Variants in PADI1 observed in about 807,000 individuals in gnomAD.
PADI1 encodes protein-arginine deiminase type-1.
In PADI1, 65 loss-of-function variants were observed where a neutral mutation model predicts 74.8. The observed-to-expected ratio is 0.87, with a 90% CI of 0.71 to 1.07. PADI1 has a LOEUF of 1.07. Ranked by LOEUF, PADI1 falls within the 50% of genes least tolerant of loss-of-function variation. The pLI is 0.00. For missense variants in PADI1, 943 were observed against 854.0 expected (o/e 1.10, Z -1.30); for synonymous variants, 371 against 336.2 (o/e 1.10, Z -1.13).
chr1:17,230,754 A>G, intron 10 of PADI1, 75 bp downstream of exon 10: 1 of 812,808 alleles, frequency 1.2e-6, no homozygotes, highest in Non-Finnish European at 2.1e-6. Flanking sequence ...TCTCATCTGG[A>G]CCTAGTCCTA....
At chr1:17,217,875 A>G (rs1463837807) in intron 1 of PADI1, among the ~76,000 whole-genome samples, 2 of 152,250 alleles carry the variant, frequency 1.3e-5, no homozygotes, top group Non-Finnish European at 2.9e-5. Context: ...TGTCAACTCA[A>G]TTTAAAAGTG....
intron 1 of PADI1, among the ~76,000 whole-genome samples, chr1:17,206,847 A>G (rs2071699279): frequency 6.6e-6 from 1 of 151,808 alleles, no homozygotes; most frequent in Non-Finnish European, 1.5e-5. Context: ...ACACTCGGCT[A>G]ATTTTGTATT....
intron 6 of PADI1, 29 bp from the exon 7 acceptor site, chr1:17,228,596 C>T (rs778147085): frequency 1.3e-5 from 21 of 1,612,866 alleles, no homozygotes; most frequent in African/African-American, 2.7e-5. Context: ...CCTGTCTCCT[C>T]GCTAGCCCCT....
intron 10 of PADI1, among the ~76,000 whole-genome samples, chr1:17,231,353 G>A (rs2072486569): frequency 6.6e-6 from 1 of 152,174 alleles, no homozygotes; most frequent in African/African-American, 2.4e-5. Context: ...AACTAGGGGG[G>A]CTGTCCCCAC....
chr1:17,232,146 C>T lies in PADI1; in HGVS notation c.1162-673C>T, dbSNP rs190446184. ...TATTTTTAGTAGAGATGGGGTTTCA[C>T]CATGTTGTCCAGGCTGGTCTCAAAC... On this transcript the variant is annotated intron_variant, in intron 10 of 15. Coordinates refer to ENST00000375471, the MANE Select transcript of PADI1 (RefSeq NM_013358.3). Among the ~76,000 whole-genome samples the T allele has an allele frequency of 2.3e-3, 357 of 152,158 alleles. 2 individuals carry two copies. Among genetic ancestry groups the T allele is most frequent in the African/African-American group, 8.4e-3 (347 of 41,498 alleles).
intron 12 of PADI1, among the ~76,000 whole-genome samples, chr1:17,237,970 T>C (rs12030076): frequency 0.086 from 13,077 of 152,248 alleles, 752 homozygotes; most frequent in South Asian, 0.18. Context: ...GGCTTCCCAG[T>C]GACCAGTGGT....
chr1:17,233,239 G>A (rs898855930), intron 11 of PADI1, among the ~76,000 whole-genome samples: 5 of 152,148 alleles, frequency 3.3e-5, no homozygotes, highest in Non-Finnish European at 7.3e-5. Context: ...AACAGATATC[G>A]GGAGGGCCTC....
At chr1:17,208,057 G>A (rs1294581187) in intron 1 of PADI1, among the ~76,000 whole-genome samples, 1 of 152,224 alleles carries the variant, frequency 6.6e-6, no homozygotes, top group Non-Finnish European at 1.5e-5. Context: ...GATGAACTTG[G>A]GGCCTCCCCA....
chr1:17,236,827 G>T (rs2072654039), intron 11 of PADI1, among the ~76,000 whole-genome samples: 1 of 152,114 alleles, frequency 6.6e-6, no homozygotes, highest in South Asian at 2.1e-4. Flanking sequence ...AAAGAGAAAA[G>T]AAGGAAAGAA....
At chr1:17,221,586 G>A (rs766519821) in intron 1 of PADI1, among the ~76,000 whole-genome samples, 2 of 152,134 alleles carry the variant, frequency 1.3e-5, no homozygotes, top group Non-Finnish European at 2.9e-5. Flanking sequence ...GGAGCTTGCT[G>A]AGAAGGTGAC....
At chr1:17,225,107 G>T (rs1049240017) in intron 4 of PADI1, among the ~76,000 whole-genome samples, 8 of 152,210 alleles carry the variant, frequency 5.3e-5, no homozygotes, top group Non-Finnish European at 1.0e-4. Context: ...TCTACCCAGA[G>T]GGTGGGCAAG....
At chr1:17,224,221 T>C (rs2072244898) in intron 3 of PADI1, 146 bp from the exon 4 acceptor site, 3 of 680,498 alleles carry the variant, frequency 4.4e-6, no homozygotes, top group South Asian at 3.5e-5. Context: ...GCCACAGAGG[T>C]CTCCCAAGTG....
intron 9 of PADI1, 80 bp from the exon 10 acceptor site, chr1:17,230,492 C>G (rs935455896): frequency 2.0e-6 from 2 of 996,522 alleles, no homozygotes; most frequent in Non-Finnish European, 3.0e-6. Flanking sequence ...CCTGCCCTGC[C>G]CCAGGCCTGG....
chr1:17,225,448 C>G (rs16823950), intron 4 of PADI1, among the ~76,000 whole-genome samples: 1 of 152,036 alleles, frequency 6.6e-6, no homozygotes, highest in African/African-American at 2.4e-5. Flanking sequence ...CTCCAGATCC[C>G]GACCCTCATC....
At chr1:17,223,804 T>C (rs2072233158) in intron 3 of PADI1, 111 bp downstream of exon 3, 2 of 871,666 alleles carry the variant, frequency 2.3e-6, no homozygotes, top group Non-Finnish European at 3.7e-6. Flanking sequence ...GCTTCCTCCA[T>C]CACTGAGGGG....
At position 17,228,957 on chromosome 1, in the gene PADI1, G is replaced by T; in HGVS notation, c.835G>T (p.Glu279Ter). 1 of 1,598,710 alleles carries T rather than the reference G, an allele frequency of 6.3e-7. No homozygotes were observed. The highest frequency in any genetic ancestry group is 8.5e-7 in the Non-Finnish European group (1 of 1,171,658). ...VSLVDPGTLPEVTLFTDTVGF... is the reference protein window; with the variant it reads ...VSLVDPGTLP ...CTCATTTTCCCCTCAGACCCTGCCC[G>T]AGGTGACCCTCTTCACAGACACTGT... Residue 279 changes from glutamate (E) to a stop codon, truncating the protein, a stop_gained, in exon 8 of 16, where the codon GAG (glutamate) becomes TAG (stop). Coordinates refer to ENST00000375471, the MANE Select transcript of PADI1 (RefSeq NM_013358.3). LOFTEE classifies it high-confidence loss of function.
At chr1:17,231,003 C>T (rs1390202744) in intron 10 of PADI1, among the ~76,000 whole-genome samples, 1 of 152,140 alleles carries the variant, frequency 6.6e-6, no homozygotes, top group African/African-American at 2.4e-5. Context: ...GACCAAACTG[C>T]CTTTTGGAGA....
chr1:17,230,011 C>G, intron 8 of PADI1, 74 bp from the exon 9 acceptor site: 2 of 1,474,072 alleles, frequency 1.4e-6, no homozygotes, highest in South Asian at 2.5e-5. Flanking sequence ...GGGCCCAGCA[C>G]AAACTGAAGG....
chr1:17,233,972 C>T (rs1056296319), intron 11 of PADI1, among the ~76,000 whole-genome samples: 5 of 152,214 alleles, frequency 3.3e-5, no homozygotes, highest in Non-Finnish European at 7.3e-5. Flanking sequence ...CATGCCCAGA[C>T]ACTACTGTGT....
Sources: allele counts gnomAD v4.1 joint callset (sites outside exome capture counted in the v4.1 genomes callset), GRCh38; gene constraint gnomAD v4.1.1; transcripts MANE v1.5; gene names NCBI Gene and HGNC (gene_info 2026-07-23, HGNC 2026-07-21).